PBX3: variants seen among roughly 807,000 people sequenced by gnomAD.
The protein encoded by PBX3 is pre-B-cell leukemia transcription factor 3.
In PBX3, 14 loss-of-function variants were observed where a neutral mutation model predicts 48.5. The observed-to-expected ratio is 0.29, with a 90% CI of 0.19 to 0.45. The LOEUF (loss-of-function observed/expected upper bound fraction) is 0.45, where lower values mean the gene tolerates loss of function less well. Ranked by LOEUF, PBX3 falls within the 20% of genes least tolerant of loss-of-function variation. PBX3 has a pLI of 1.00. For missense variants in PBX3, 386 were observed against 546.7 expected (o/e 0.71, Z 2.93); for synonymous variants, 210 against 200.3 (o/e 1.05, Z -0.41).
rs1374923333 is a variant in PBX3 at position 125,794,699 on chromosome 9, T to A, written c.274+46076T>A. 3.2e-5 allele frequency among the ~76,000 whole-genome samples: 3 copies of A among 94,976 alleles called. No individual in the cohort carries two copies. The Admixed American group carries it at 3.7e-4, about 12-fold the overall frequency. The allele number at this position is 94,976 out of a possible 152,430, so 62.3% of individuals were successfully genotyped here. A position where few individuals can be genotyped will look rare whatever the true frequency, so the allele number is the denominator to read the frequency against. On this transcript the variant is annotated intron_variant, in intron 2 of 8. Transcript: ENST00000373489. ...GAAGGGAAAGTAGGAGACTCATGGCTGTTTTTTTTTTTTTTTAACAGTCCC... is the reference window on the plus strand; with the variant it reads ...GAAGGGAAAGTAGGAGACTCATGGCAGTTTTTTTTTTTTTTTAACAGTCCC...
intron 2 of PBX3, among the ~76,000 whole-genome samples, chr9:125,799,252 GCTTGTAATC>G (rs1407292027): frequency 6.6e-6 from 1 of 152,188 alleles, no homozygotes; most frequent in African/African-American, 2.4e-5. Flanking sequence ...AGTGGTTCAG[GCTTGTAATC>G]CTAGCACTTT....
In PBX3 at chr9:125,791,753, G is replaced by A. The variant is rs377684355; in HGVS notation, c.274+43130G>A. On this transcript the variant is annotated intron_variant, in intron 2 of 8. Coordinates refer to ENST00000373489, the MANE Select transcript of PBX3 (RefSeq NM_006195.6). ...GTTCGAGACTATCCTGGCTAACACG[G>A]TGAAACCCCGTCTCTACTGAAAATA... Among the ~76,000 whole-genome samples, 74 of 152,130 alleles carry A rather than the reference G, an allele frequency of 4.9e-4. No individual in the cohort carries two copies. In the South Asian group the frequency reaches 0.014, roughly 29 times the overall value.
chr9:125,923,488 G>A (rs1023926541), intron 3 of PBX3, among the ~76,000 whole-genome samples: 9 of 152,242 alleles, frequency 5.9e-5, no homozygotes, highest in East Asian at 1.9e-4. Flanking sequence ...TCGTAAAAGC[G>A]TTTGGGTTGG....
At chr9:125,899,421 G>A (rs1408693802) in intron 2 of PBX3, among the ~76,000 whole-genome samples, 2 of 129,702 alleles carry the variant, frequency 1.5e-5, no homozygotes, top group African/African-American at 5.8e-5. Flanking sequence ...GTATATATAT[G>A]TATGTCTATA....
chr9:125,787,933 G>T (rs907098787), intron 2 of PBX3, among the ~76,000 whole-genome samples: 2 of 152,146 alleles, frequency 1.3e-5, no homozygotes, highest in Admixed American at 6.5e-5. Flanking sequence ...GGTCATTGGT[G>T]ATTTATTTAT....
intron 2 of PBX3, among the ~76,000 whole-genome samples, chr9:125,829,632 A>G (rs1462650729): frequency 6.6e-6 from 1 of 152,200 alleles, no homozygotes; most frequent in Non-Finnish European, 1.5e-5. Flanking sequence ...GTTTCCTTTG[A>G]AAGCCAAACT....
chr9:125,789,234 A>T (rs905437954), intron 2 of PBX3, among the ~76,000 whole-genome samples: 7 of 152,248 alleles, frequency 4.6e-5, no homozygotes, highest in African/African-American at 1.7e-4. Context: ...CAATTGCTGC[A>T]TAAGGAATAG....
chr9:125,928,392 ATGTGTGTGTGTGTG>A (rs112869741), intron 3 of PBX3, among the ~76,000 whole-genome samples: 4 of 140,220 alleles, frequency 2.9e-5, no homozygotes, highest in African/African-American at 8.4e-5. Flanking sequence ...GGGGAAACAA[ATGTGTGTGTGTGTG>A]TGTGTGTGTG....
intron 2 of PBX3, among the ~76,000 whole-genome samples, chr9:125,780,822 G>A (rs1207471730): frequency 2.7e-5 from 4 of 148,466 alleles, no homozygotes; most frequent in African/African-American, 1.0e-4. Flanking sequence ...GGGCGGAGAC[G>A]CTCCTCACTT....
In PBX3 at chr9:125,781,019, G is replaced by C. The variant is rs199794365; in HGVS notation, c.274+32396G>C. ...GATGGGATGGCGGCCGGGCAGAGAC[G>C]CTCCTCACTTTCCAGACTGGGCAGC... On this transcript the variant is annotated intron_variant, in intron 2 of 8. Coordinates refer to ENST00000373489, the MANE Select transcript of PBX3 (RefSeq NM_006195.6). 6.1e-3 allele frequency among the ~76,000 whole-genome samples: 695 copies of C among 113,200 alleles called. 12 individuals are homozygous for C. The East Asian group carries it at 0.073, about 12-fold the overall frequency. 74.3% of individuals were successfully genotyped at this position (113,200 alleles called of 152,430 possible).
At chr9:125,773,990 C>T (rs1345464223) in intron 2 of PBX3, among the ~76,000 whole-genome samples, 1 of 152,140 alleles carries the variant, frequency 6.6e-6, no homozygotes, top group African/African-American at 2.4e-5. Context: ...AAACCCCATA[C>T]CTATTAGTCT....
At chr9:125,900,421 C>G (rs909258159) in intron 2 of PBX3, among the ~76,000 whole-genome samples, 4 of 151,498 alleles carry the variant, frequency 2.6e-5, no homozygotes, top group African/African-American at 9.7e-5. Flanking sequence ...TGCTTGGGGT[C>G]TGAATAGTGA....
At chr9:125,780,289 G>A (rs1317021539) in intron 2 of PBX3, among the ~76,000 whole-genome samples, 3 of 134,512 alleles carry the variant, frequency 2.2e-5, no homozygotes, top group Non-Finnish European at 4.8e-5. Flanking sequence ...CGGCAGAGGG[G>A]CTCCTCACTT....
At chr9:125,802,359 A>ATTTTTTT (rs57805307) in intron 2 of PBX3, among the ~76,000 whole-genome samples, 3 of 67,718 alleles carry the variant, frequency 4.4e-5, no homozygotes, top group East Asian at 4.2e-4. Context: ...ACATTAGTGC[A>ATTTTTTT]TTTTTTTTTT....
chr9:125,781,017 A>C (rs1213653538), intron 2 of PBX3, among the ~76,000 whole-genome samples: 3 of 99,344 alleles, frequency 3.0e-5, no homozygotes, highest in Admixed American at 1.1e-4. Context: ...CCGGGCAGAG[A>C]CGCTCCTCAC....
At chr9:125,839,630 G>A (rs188548245) in intron 2 of PBX3, among the ~76,000 whole-genome samples, 35 of 152,294 alleles carry the variant, frequency 2.3e-4, no homozygotes, top group Admixed American at 7.8e-4. Context: ...GCCTGGAAAC[G>A]AGAGTCTTTT....
Position 125,747,606 on chromosome 9 carries a change from C to T in PBX3, c.153C>T (p.His51=), listed in dbSNP as rs533880904. 6.2e-7 allele frequency: 1 copy of T among 1,605,834 alleles called. No homozygotes were observed. The highest frequency in any genetic ancestry group is 1.4e-5 in the African/African-American group (1 of 73,878). The change falls in exon 1 of 9, where the codon CAC becomes CAT. Residue 51 remains histidine (H), a synonymous_variant. Coordinates refer to ENST00000373489, the MANE Select transcript of PBX3 (RefSeq NM_006195.6). The part of the protein sequence containing the change: ...GRKQDIGDIL[H]QIMTITDQSL... ...AGCAGGACATCGGCGACATCCTCCA[C>T]CAGATCATGACCATCACCGACCAGA...
At chr9:125,824,803 G>A (rs1220609404) in intron 2 of PBX3, among the ~76,000 whole-genome samples, 4 of 151,674 alleles carry the variant, frequency 2.6e-5, no homozygotes, top group East Asian at 1.9e-4. Flanking sequence ...ATCTGTAGCC[G>A]CAGCTGTTGT....
chr9:125,799,124 TGAA>T (rs1837866435), intron 2 of PBX3, among the ~76,000 whole-genome samples: 1 of 152,230 alleles, frequency 6.6e-6, no homozygotes, highest in Non-Finnish European at 1.5e-5. Flanking sequence ...CCATTCATCC[TGAA>T]GTTAAATGTT....
Sources: gnomAD v4.1 joint callset for allele counts (sites outside exome capture counted in the v4.1 genomes callset) on GRCh38, gnomAD v4.1.1 for gene constraint, MANE v1.5 for transcripts, NCBI Gene and HGNC (gene_info 2026-07-23, HGNC 2026-07-21) for gene names.